Variants in INPP5F observed in about 807,000 individuals in gnomAD.
INPP5F encodes phosphatidylinositide 4-phosphatase SAC2.
A neutral mutation model predicts 137.2 loss-of-function variants in INPP5F; 97 were observed. The ratio of observed to expected loss-of-function variants is 0.71; its 90% CI spans 0.60 to 0.84. The LOEUF is 0.84. INPP5F is among the 40% of genes least tolerant of loss of function. The probability of loss-of-function intolerance (pLI) is 0.00; values close to 1 mark genes in which losing one functional copy is unlikely to be tolerated. For synonymous variants in INPP5F, 504 were observed against 476.9 expected, an observed-to-expected ratio of 1.06 and a Z score of -0.74; for missense variants, 1,271 against 1,371.9, an observed-to-expected ratio of 0.93 and a Z score of 1.16.
intron 9 of INPP5F, 125 bp from the exon 10 acceptor site, chr10:119,804,048 A>G (rs750103445): frequency 1.6e-6 from 1 of 644,040 alleles, no homozygotes; most frequent in Non-Finnish European, 2.5e-6. Context: ...TGGCTATAAA[A>G]TATTTCTAAC....
Position 119,826,944 on chromosome 10 carries a change from AAT to A in INPP5F, c.2564_2565del (p.Asn855ArgfsTer6). On this transcript the variant is annotated frameshift_variant, in exon 20 of 20. Transcript: ENST00000650623. LOFTEE classifies it high-confidence loss of function. ...AESDGDMSSD[N>X]DSYHSDEFLT... ...GTCTGATGGGGACATGTCTTCAGAT[AAT>A]GACTCATACCACTCTGATGAATTCC... is the stretch of plus-strand genomic sequence containing the variant. The A allele has an allele frequency of 6.2e-7, 1 of 1,613,294 alleles. No individual in the cohort carries two copies. Among genetic ancestry groups the A allele is most frequent in the Non-Finnish European group, 8.5e-7 (1 of 1,179,172 alleles).
At chr10:119,727,510 G>A (rs1847928025) in intron 1 of INPP5F, among the ~76,000 whole-genome samples, 1 of 152,186 alleles carries the variant, frequency 6.6e-6, no homozygotes. Flanking sequence ...AACTCGTTCG[G>A]GGTCACAGCC....
intron 1 of INPP5F, among the ~76,000 whole-genome samples, chr10:119,750,373 G>A (rs966046844): frequency 6.6e-6 from 1 of 152,284 alleles, no homozygotes; most frequent in Admixed American, 6.5e-5. Flanking sequence ...CCACACAAGA[G>A]AATAAACCCT....
intron 2 of INPP5F, among the ~76,000 whole-genome samples, chr10:119,771,884 T>TATATA (rs1849373704): frequency 3.4e-4 from 10 of 29,088 alleles, no homozygotes; most frequent in Non-Finnish European, 5.5e-4. Context: ...ATATATATAT[T>TATATA]TTTTTTTTTT....
chr10:119,735,284 T>C (rs1848187534), intron 1 of INPP5F, among the ~76,000 whole-genome samples: 1 of 152,230 alleles, frequency 6.6e-6, no homozygotes, highest in Non-Finnish European at 1.5e-5. Flanking sequence ...AGTTATTTTA[T>C]TTTAATTTCA....
intron 12 of INPP5F, among the ~76,000 whole-genome samples, chr10:119,807,564 C>T (rs1004339841): frequency 1.3e-5 from 2 of 152,164 alleles, no homozygotes; most frequent in Admixed American, 1.3e-4. Flanking sequence ...CTAGCCTTGG[C>T]ACAGAGTTAA....
chr10:119,814,319 G>A (rs1009061966), intron 15 of INPP5F, among the ~76,000 whole-genome samples: 2 of 150,928 alleles, frequency 1.3e-5, no homozygotes, highest in African/African-American at 4.9e-5. Context: ...CCCGGCAGGC[G>A]GAGGTTGCAG....
chr10:119,786,266 G>C (rs1849912071), intron 3 of INPP5F, among the ~76,000 whole-genome samples: 1 of 152,200 alleles, frequency 6.6e-6, no homozygotes. Flanking sequence ...GCGTGTTTCA[G>C]AGTTGTGATA....
intron 3 of INPP5F, 56 bp from the exon 4 acceptor site, chr10:119,791,461 G>GAACATTTAACAAACAGGTATTAGTAA (rs1554890652): frequency 7.1e-7 from 1 of 1,416,754 alleles, no homozygotes; most frequent in Non-Finnish European, 9.7e-7. Flanking sequence ...TTTTGCACTC[G>GAACATTTAACAAACAGGTATTAGTAA]AACATTTAAC....
chr10:119,796,635 T>C (rs953144669), intron 6 of INPP5F, 80 bp from the exon 7 acceptor site: 6 of 1,048,896 alleles, frequency 5.7e-6, no homozygotes, highest in Middle Eastern at 2.0e-4. Flanking sequence ...CTGAGAAATA[T>C]GTGCTGACTA....
chr10:119,793,234 C>T (rs560223187), intron 6 of INPP5F, among the ~76,000 whole-genome samples: 2 of 152,256 alleles, frequency 1.3e-5, no homozygotes, highest in South Asian at 4.1e-4. Flanking sequence ...TCAAAGGTGA[C>T]ATTTGGCAGC....
In INPP5F at chr10:119,726,270, T is replaced by A; in HGVS notation, c.8T>A (p.Leu3His). ...TGGGCGCGCGGGGCCAGCATGGAGCTCTTCCAAGCCAAGGACCACTACATC... is the reference window on the plus strand; with the variant it reads ...TGGGCGCGCGGGGCCAGCATGGAGCACTTCCAAGCCAAGGACCACTACATC... ME[L>H]FQAKDHYILQ... is the part of the protein sequence containing the mutation. Residue 3 changes from leucine to histidine, a missense_variant, in exon 1 of 20, where the codon CTC becomes CAC. Physicochemically the swap from Leu to His is moderately conservative, Grantham distance 99 (BLOSUM62 -3). Coordinates refer to ENST00000650623, the MANE Select transcript of INPP5F (RefSeq NM_014937.4). 1 of 1,481,018 alleles carries A rather than the reference T, an allele frequency of 6.8e-7. No homozygotes were observed. Among genetic ancestry groups the A allele is most frequent in the African/African-American group, 1.5e-5 (1 of 68,410 alleles). 91.7% of individuals were successfully genotyped at this position (1,481,018 alleles called of 1,614,324 possible). A position where few individuals can be genotyped will look rare whatever the true frequency, so the allele number is the denominator to read the frequency against.
intron 3 of INPP5F, among the ~76,000 whole-genome samples, chr10:119,791,050 G>C (rs980217486): frequency 6.6e-6 from 1 of 152,154 alleles, no homozygotes; most frequent in Non-Finnish European, 1.5e-5. Context: ...AGCTTTTAGG[G>C]CTCCCACTAG....
chr10:119,781,500 A>T, intron 2 of INPP5F, 135 bp from the exon 3 acceptor site: 1 of 613,882 alleles, frequency 1.6e-6, no homozygotes, highest in Non-Finnish European at 2.6e-6. Context: ...TGTCTTTGTG[A>T]CATGTTTTAC....
At chr10:119,820,694 C>T (rs1851525014) in intron 15 of INPP5F, 152 bp from the exon 16 acceptor site, 1 of 599,196 alleles carries the variant, frequency 1.7e-6, no homozygotes, top group Admixed American at 2.8e-5. Flanking sequence ...GATTGTATTA[C>T]ATCTAACTGC....
chr10:119,737,088 C>G (rs1848236561), intron 1 of INPP5F, among the ~76,000 whole-genome samples: 1 of 152,120 alleles, frequency 6.6e-6, no homozygotes, highest in African/African-American at 2.4e-5. Context: ...CTGGGCCCCC[C>G]AAAGTGCTGG....
intron 2 of INPP5F, among the ~76,000 whole-genome samples, chr10:119,751,785 C>A (rs766586240): frequency 1.4e-4 from 22 of 152,172 alleles, no homozygotes; most frequent in Non-Finnish European, 2.8e-4. Context: ...TTTTTTGGTG[C>A]CTTACCCTTC....
intron 1 of INPP5F, among the ~76,000 whole-genome samples, chr10:119,750,199 T>C (rs939611833): frequency 6.6e-6 from 1 of 152,228 alleles, no homozygotes; most frequent in Non-Finnish European, 1.5e-5. Context: ...GAGTTACAGA[T>C]TGAGTGTAAG....
At chr10:119,728,457 C>A (rs747506434) in intron 1 of INPP5F, among the ~76,000 whole-genome samples, 13 of 152,264 alleles carry the variant, frequency 8.5e-5, no homozygotes, top group Middle Eastern at 6.8e-3. Flanking sequence ...TTGGACTTTT[C>A]CCCTGTGCTT....
Sources: allele counts gnomAD v4.1 joint callset (sites outside exome capture counted in the v4.1 genomes callset), GRCh38; gene constraint gnomAD v4.1.1; transcripts MANE v1.5; gene names NCBI Gene and HGNC (gene_info 2026-07-23, HGNC 2026-07-21).